OR2L13: variants seen among roughly 807,000 people sequenced by gnomAD.
OR2L13 encodes olfactory receptor family 2 subfamily L member 13.
A neutral mutation model predicts 15.3 loss-of-function variants in OR2L13; 14 were observed. That is an observed-to-expected ratio of 0.91 (90% CI 0.60 to 1.43). OR2L13 has a LOEUF of 1.43. Among genes scored for constraint, OR2L13 ranks in the 40% most tolerant of loss-of-function variants. OR2L13 has a pLI of 0.00. For synonymous variants in OR2L13, 152 were observed against 142.9 expected (o/e 1.06, Z -0.45); for missense variants, 367 against 387.9 (o/e 0.95, Z 0.45).
the OR2L13 span, among the ~76,000 whole-genome samples, chr1:248,047,551 T>C: frequency 1.3e-5 from 2 of 152,172 alleles, no homozygotes; most frequent in Non-Finnish European, 2.9e-5. Context: ...GCTATAGGTA[T>C]CCAGATTTTG....
At chr1:248,055,287 C>A in the OR2L13 span, among the ~76,000 whole-genome samples, 1 of 152,158 alleles carries the variant, frequency 6.6e-6, no homozygotes, top group East Asian at 1.9e-4. Context: ...GGGGATGAAG[C>A]TGACTTGATT....
chr1:248,039,011 C>G, the OR2L13 span: 1 of 1,614,044 alleles, frequency 6.2e-7, no homozygotes, highest in Non-Finnish European at 8.5e-7. Context: ...CTGTAGTGTC[C>G]TTCTACTATG....
chr1:247,974,794 C>A, the OR2L13 span: 2 of 233,722 alleles, frequency 8.6e-6, no homozygotes, highest in Non-Finnish European at 2.0e-5. Context: ...GGGATCTTCC[C>A]ACCATCCAGA....
At chr1:247,979,945 A>G in the OR2L13 span, among the ~76,000 whole-genome samples, 1 of 152,232 alleles carries the variant, frequency 6.6e-6, no homozygotes, top group Non-Finnish European at 1.5e-5. Flanking sequence ...ATCATTATAT[A>G]ACATACACTT....
the OR2L13 span, among the ~76,000 whole-genome samples, chr1:247,945,363 C>T: frequency 6.6e-6 from 1 of 152,066 alleles, no homozygotes; most frequent in Non-Finnish European, 1.5e-5. Context: ...GTGCTGTGGT[C>T]TGACAGACTG....
At chr1:247,989,731 C>T in the OR2L13 span, among the ~76,000 whole-genome samples, 1 of 152,126 alleles carries the variant, frequency 6.6e-6, no homozygotes, top group Non-Finnish European at 1.5e-5. Flanking sequence ...TGTTTTATAA[C>T]TAGTCCCCCT....
At chr1:247,966,004 C>A in the OR2L13 span, 1 of 1,612,792 alleles carries the variant, frequency 6.2e-7, no homozygotes, top group Non-Finnish European at 8.5e-7. Context: ...CTTGCTACTA[C>A]CATTCCTAGC....
At chr1:247,978,373 C>G in the OR2L13 span, among the ~76,000 whole-genome samples, 1 of 152,158 alleles carries the variant, frequency 6.6e-6, no homozygotes, top group African/African-American at 2.4e-5. Context: ...CTTGGTCTCC[C>G]CATAGGTGGA....
chr1:247,945,555 T>C, the OR2L13 span, among the ~76,000 whole-genome samples: 46 of 152,310 alleles, frequency 3.0e-4, no homozygotes, highest in African/African-American at 1.1e-3. Flanking sequence ...TGAATATCTT[T>C]GTTAATTCTC....
chr1:248,003,663 G>T, the OR2L13 span: 6 of 1,612,182 alleles, frequency 3.7e-6, no homozygotes, highest in South Asian at 6.6e-5. Flanking sequence ...CATTTCTTCT[G>T]TGATGTCCCA....
the OR2L13 span, chr1:248,003,204 TC>T: frequency 6.6e-7 from 1 of 1,507,142 alleles, no homozygotes; most frequent in Non-Finnish European, 9.2e-7. Context: ...ATTGGCCTTT[TC>T]CTCTTCATCC....
the OR2L13 span, among the ~76,000 whole-genome samples, chr1:247,970,317 A>G: frequency 6.6e-6 from 1 of 152,182 alleles, no homozygotes; most frequent in Non-Finnish European, 1.5e-5. Context: ...GTGCACATGT[A>G]CCCTAAAACT....
At chr1:247,939,648 C>T in the OR2L13 span, 1 of 152,154 alleles carries the variant, frequency 6.6e-6, no homozygotes, top group Non-Finnish European at 1.5e-5. Context: ...CTTGTGTATT[C>T]CCTCTATTTC....
At chr1:248,080,097 G>A in the OR2L13 span, among the ~76,000 whole-genome samples, 1 of 151,816 alleles carries the variant, frequency 6.6e-6, no homozygotes, top group African/African-American at 2.4e-5. Flanking sequence ...AGACATAAAG[G>A]GAACTAGATG....
the OR2L13 span, among the ~76,000 whole-genome samples, chr1:247,958,038 T>G: frequency 6.6e-6 from 1 of 152,142 alleles, no homozygotes; most frequent in African/African-American, 2.4e-5. Context: ...GATGTTAGGG[T>G]GTCAATTTTA....
chr1:247,984,549 CAT>C, the OR2L13 span, among the ~76,000 whole-genome samples: 2 of 152,074 alleles, frequency 1.3e-5, no homozygotes, highest in Admixed American at 6.5e-5. Context: ...TTCCAAATGA[CAT>C]ATGTGAAAAT....
the OR2L13 span, among the ~76,000 whole-genome samples, chr1:247,977,647 C>T: frequency 7.2e-5 from 11 of 152,302 alleles, no homozygotes; most frequent in South Asian, 2.3e-3. Flanking sequence ...CGCCCGATAG[C>T]CTACTTCCGT....
At chr1:248,034,056 A>G in the OR2L13 span, among the ~76,000 whole-genome samples, 11 of 152,146 alleles carry the variant, frequency 7.2e-5, no homozygotes, top group Non-Finnish European at 1.6e-4. Flanking sequence ...ATTAATGTTC[A>G]CAAATCAGCT....
chr1:248,090,937 C>T (rs958837593), upstream of OR2L13, among the ~76,000 whole-genome samples: 4 of 152,104 alleles, frequency 2.6e-5, no homozygotes, highest in Non-Finnish European at 5.9e-5. Context: ...TCTGCATCCT[C>T]ACCTTTTGTT....
Sources: allele counts gnomAD v4.1 joint callset (sites outside exome capture counted in the v4.1 genomes callset), GRCh38; gene constraint gnomAD v4.1.1; transcripts MANE v1.5; gene names NCBI Gene and HGNC (gene_info 2026-07-23, HGNC 2026-07-21).